The following LRP1B variants were observed in gnomAD, a reference collection of about 807,000 sequenced individuals.
LRP1B encodes the protein low-density lipoprotein receptor-related protein 1B.
LRP1B carries 217 observed loss-of-function variants against 556.6 expected under a neutral mutation model. The observed-to-expected ratio is 0.39, with a 90% CI of 0.35 to 0.44. The LOEUF is 0.44. Ranked by LOEUF, LRP1B falls within the 20% of genes least tolerant of loss-of-function variation. The pLI is 1.00. For missense variants in LRP1B, 5,053 were observed against 5,620.8 expected, an observed-to-expected ratio of 0.90 and a Z score of 3.23; for synonymous variants, 2,047 against 1,865.8, an observed-to-expected ratio of 1.10 and a Z score of -2.50.
At chr2:141,229,050 T>C (rs1683361049) in intron 6 of LRP1B, 133 bp downstream of exon 6, 1 of 837,234 alleles carries the variant, frequency 1.2e-6, no homozygotes, top group Non-Finnish European at 2.0e-6. Context: ...AATACAGTAA[T>C]TCAAGTTCAT....
chr2:141,276,658 CT>C (rs11353705), intron 3 of LRP1B, among the ~76,000 whole-genome samples: 42,354 of 121,040 alleles, frequency 0.35, 5,801 homozygotes, highest in East Asian at 0.6. Context: ...TTCTTTCTTT[CT>C]TTTTTTTTTT....
chr2:140,253,396 T>C (rs1202596943), intron 86 of LRP1B, among the ~76,000 whole-genome samples: 1 of 151,952 alleles, frequency 6.6e-6, no homozygotes, highest in Non-Finnish European at 1.5e-5. Context: ...GAGGTGGCCA[T>C]GAAAGAAATA....
intron 7 of LRP1B, among the ~76,000 whole-genome samples, chr2:141,079,782 CATT>C (rs1393712873): frequency 1.3e-5 from 2 of 152,136 alleles, no homozygotes; most frequent in African/African-American, 4.8e-5. Context: ...AAGATGATCT[CATT>C]GATCATGAGG....
At chr2:142,032,515 TA>T in intron 1 of LRP1B, among the ~76,000 whole-genome samples, 1 of 151,972 alleles carries the variant, frequency 6.6e-6, no homozygotes, top group African/African-American at 2.4e-5. Context: ...TCATCCTTCT[TA>T]CCTACGGAAC....
At chr2:140,763,696 A>C (rs1010479500) in intron 35 of LRP1B, among the ~76,000 whole-genome samples, 2 of 152,158 alleles carry the variant, frequency 1.3e-5, no homozygotes, top group Non-Finnish European at 2.9e-5. Flanking sequence ...TTACCCAAAA[A>C]GGATCTGTGA....
At chr2:141,600,950 T>C (rs1372618044) in intron 2 of LRP1B, among the ~76,000 whole-genome samples, 1 of 152,156 alleles carries the variant, frequency 6.6e-6, no homozygotes, top group East Asian at 1.9e-4. Context: ...TATATCCACA[T>C]TAATCAGGAT....
At chr2:141,256,774 T>C (rs529245907) in intron 3 of LRP1B, among the ~76,000 whole-genome samples, 4 of 152,132 alleles carry the variant, frequency 2.6e-5, no homozygotes, top group Admixed American at 2.6e-4. Context: ...GACAACATAA[T>C]AGCCAGGGAG....
intron 53 of LRP1B, among the ~76,000 whole-genome samples, chr2:140,505,426 C>A (rs1448070172): frequency 1.3e-5 from 2 of 152,156 alleles, no homozygotes; most frequent in Non-Finnish European, 2.9e-5. Context: ...TTCTTCAGTG[C>A]CTACCTCAAG....
At chr2:141,612,685 A>G (rs1392897437) in intron 2 of LRP1B, among the ~76,000 whole-genome samples, 2 of 152,200 alleles carry the variant, frequency 1.3e-5, no homozygotes, top group Non-Finnish European at 2.9e-5. Context: ...CTTCACATTA[A>G]TGCCATAGGC....
intron 47 of LRP1B, among the ~76,000 whole-genome samples, chr2:140,531,497 G>A (rs1431264150): frequency 2.0e-5 from 3 of 152,078 alleles, no homozygotes; most frequent in Admixed American, 2.0e-4. Context: ...ATCTATGCAA[G>A]TGTTTCCCCA....
At chr2:141,229,706 T>C (rs1435900081) in intron 5 of LRP1B, among the ~76,000 whole-genome samples, 1 of 152,222 alleles carries the variant, frequency 6.6e-6, no homozygotes, top group African/African-American at 2.4e-5. Context: ...TTTACTTTTA[T>C]TGCTAGTAAG....
intron 7 of LRP1B, among the ~76,000 whole-genome samples, chr2:141,096,681 A>AGAGAGAGGGG (rs1700329095): frequency 1.5e-5 from 2 of 130,514 alleles, no homozygotes; most frequent in Non-Finnish European, 3.3e-5. Flanking sequence ...AGAGAGAGAG[A>AGAGAGAGGGG]GAGAGAGAGA....
At chr2:141,855,319 C>T (rs1204891026) in intron 1 of LRP1B, among the ~76,000 whole-genome samples, 6 of 151,872 alleles carry the variant, frequency 4.0e-5, no homozygotes, top group African/African-American at 7.3e-5. Flanking sequence ...AGCCCCTTAA[C>T]GGGATAAGAC....
chr2:141,131,340 A>G (rs989725338), intron 7 of LRP1B, among the ~76,000 whole-genome samples: 1 of 149,826 alleles, frequency 6.7e-6, no homozygotes, highest in East Asian at 1.9e-4. Context: ...AACAATTTAA[A>G]AAAGTAAGGT....
In LRP1B at chr2:140,697,359, C is replaced by T. The variant is rs1035165548; in HGVS notation, c.6799+2891G>A. 5.9e-5 allele frequency among the ~76,000 whole-genome samples: 9 copies of T among 152,174 alleles called. No individual in the cohort carries two copies. In the East Asian group the frequency reaches 1.7e-3, roughly 29 times the overall value. On this transcript the variant is annotated intron_variant, in intron 41 of 90. Transcript: ENST00000389484. Reference sequence around the variant, plus strand: ...CAGTTCATCAGACCTAAACATAACACTGAGTGATCTCATGAAATATAAATC... The same window carrying T: ...CAGTTCATCAGACCTAAACATAACATTGAGTGATCTCATGAAATATAAATC...
At chr2:140,337,850 A>T (rs747291485) in intron 77 of LRP1B, among the ~76,000 whole-genome samples, 1 of 151,780 alleles carries the variant, frequency 6.6e-6, no homozygotes, top group East Asian at 1.9e-4. Flanking sequence ...CATTTAATTC[A>T]TTCTCAAAAA....
chr2:141,490,369 T>TTG (rs557540972), intron 2 of LRP1B, among the ~76,000 whole-genome samples: 60 of 108,628 alleles, frequency 5.5e-4, no homozygotes, highest in South Asian at 8.5e-4. Context: ...TAAAATAGCC[T>TTG]CGTGTGTGTG....
intron 66 of LRP1B, among the ~76,000 whole-genome samples, chr2:140,395,010 TCTA>T (rs1684189047): frequency 6.6e-6 from 1 of 152,182 alleles, no homozygotes; most frequent in Non-Finnish European, 1.5e-5. Context: ...CTGCCCCACA[TCTA>T]CTCTATCCAC....
chr2:140,468,119 T>C (rs1408611114), intron 60 of LRP1B, among the ~76,000 whole-genome samples: 1 of 152,156 alleles, frequency 6.6e-6, no homozygotes, highest in Admixed American at 6.5e-5. Context: ...AGGCCCAGAA[T>C]GCCAGAGGCT....
Sources: gnomAD v4.1 joint callset for allele counts (sites outside exome capture counted in the v4.1 genomes callset) on GRCh38, gnomAD v4.1.1 for gene constraint, MANE v1.5 for transcripts, NCBI Gene and HGNC (gene_info 2026-07-23, HGNC 2026-07-21) for gene names.